Variants in NEK7 observed in about 807,000 individuals in gnomAD.
NEK7 encodes the protein NIMA related kinase 7.
Under a neutral mutation model 44.6 loss-of-function variants are expected in NEK7, and 18 were observed. The ratio of observed to expected loss-of-function variants is 0.40; its 90% CI spans 0.28 to 0.60. The LOEUF (loss-of-function observed/expected upper bound fraction) is 0.60, where lower values mean the gene tolerates loss of function less well. Ranked by LOEUF, NEK7 falls within the 20% of genes least tolerant of loss-of-function variation. NEK7 has a pLI of 0.38. For synonymous variants in NEK7, 130 were observed against 121.1 expected (o/e 1.07, Z -0.48); for missense variants, 256 against 366.5 (o/e 0.70, Z 2.46).
intron 1 of NEK7, among the ~76,000 whole-genome samples, chr1:198,204,353 G>A (rs1175370155): frequency 6.6e-6 from 1 of 152,046 alleles, no homozygotes; most frequent in East Asian, 1.9e-4. Context: ...ACCTAAAATG[G>A]CATATATTGA....
chr1:198,213,125 A>G (rs1665824017), intron 1 of NEK7, among the ~76,000 whole-genome samples: 1 of 152,222 alleles, frequency 6.6e-6, no homozygotes. Flanking sequence ...GATATTCCAC[A>G]GCACCAATCT....
At position 198,253,021 on chromosome 1, in the gene NEK7, C is replaced by T. The variant is rs993735772; in HGVS notation, c.58-19C>T. On this transcript the variant is annotated intron_variant, in intron 2 of 9. Coordinates refer to ENST00000367385, the MANE Select transcript of NEK7 (RefSeq NM_133494.3). ...GTATATTGTGTGATTGAAAATTTTTCTGACATTTTTAATTACAGAAGGCCT... is the reference window on the plus strand; with the variant it reads ...GTATATTGTGTGATTGAAAATTTTTTTGACATTTTTAATTACAGAAGGCCT... 8.2e-6 allele frequency: 13 copies of T among 1,592,402 alleles called. No homozygotes were observed. Among genetic ancestry groups the T allele is most frequent in the South Asian group, 3.4e-5 (3 of 87,974 alleles).
intron 2 of NEK7, among the ~76,000 whole-genome samples, chr1:198,249,804 TG>T (rs1449624747): frequency 8.2e-6 from 1 of 122,104 alleles, no homozygotes; most frequent in Non-Finnish European, 1.6e-5. Flanking sequence ...GTCAGATGAG[TG>T]GGTTGCGAAA....
intron 9 of NEK7, among the ~76,000 whole-genome samples, chr1:198,319,030 G>T (rs910545702): frequency 2.0e-5 from 3 of 152,042 alleles, no homozygotes; most frequent in Non-Finnish European, 2.9e-5. Flanking sequence ...AATTAAGTCT[G>T]TTGTAGTAGA....
chr1:198,217,729 TTAAG>T (rs1164249658), intron 1 of NEK7, among the ~76,000 whole-genome samples: 2 of 151,298 alleles, frequency 1.3e-5, no homozygotes, highest in African/African-American at 4.8e-5. Context: ...AATAAATGAA[TTAAG>T]TATCAGGTTA....
At position 198,228,150 on chromosome 1, in the gene NEK7, G is replaced by A. The variant is rs186786421; in HGVS notation, c.-28-4403G>A. Among the ~76,000 whole-genome samples the A allele has an allele frequency of 1.5e-3, 223 of 152,250 alleles. 1 individual carries two copies. The highest frequency in any genetic ancestry group is 2.4e-3 in the Non-Finnish European group (161 of 68,026). ...AATTGTTTCCCCATTTCTTGTTTTT[G>A]TCAGGTTTTCAAAGATCAGATGGTT... On this transcript the variant is annotated intron_variant, in intron 1 of 9. Coordinates refer to ENST00000367385, the MANE Select transcript of NEK7 (RefSeq NM_133494.3).
At chr1:198,310,029 A>G (rs1229949231) in intron 9 of NEK7, among the ~76,000 whole-genome samples, 2 of 151,710 alleles carry the variant, frequency 1.3e-5, no homozygotes, top group African/African-American at 4.8e-5. Flanking sequence ...ACTGACTTCC[A>G]CAATGGTTGA....
Position 198,292,793 on chromosome 1 carries a change from A to T in NEK7, c.590-152A>T, listed in dbSNP as rs1487178109. ...AGGGTCAAGGAATAAAGAAGAAATTAAAAAGTTTTTAGTATTCTCAAAAAC... is the reference window on the plus strand; with the variant it reads ...AGGGTCAAGGAATAAAGAAGAAATTTAAAAGTTTTTAGTATTCTCAAAAAC... On this transcript the variant is annotated intron_variant, in intron 7 of 9. Coordinates refer to ENST00000367385, the MANE Select transcript of NEK7 (RefSeq NM_133494.3). 3 of 630,096 alleles carry T rather than the reference A, an allele frequency of 4.8e-6. No homozygotes were observed. In the South Asian group the frequency reaches 5.6e-5, roughly 12 times the overall value. The allele number at this position is 630,096 out of a possible 1,614,324, so 39.0% of individuals were successfully genotyped here. A position where few individuals can be genotyped will look rare whatever the true frequency, so the allele number is the denominator to read the frequency against.
chr1:198,169,558 C>T (rs1204120181), intron 1 of NEK7, among the ~76,000 whole-genome samples: 1 of 151,364 alleles, frequency 6.6e-6, no homozygotes, highest in African/African-American at 2.4e-5. Context: ...GTATATTCCC[C>T]TACATTTTAG....
At chr1:198,229,318 ATC>A (rs1174746096) in intron 1 of NEK7, among the ~76,000 whole-genome samples, 5 of 152,160 alleles carry the variant, frequency 3.3e-5, no homozygotes, top group Admixed American at 1.3e-4. Flanking sequence ...TGCCCCATGC[ATC>A]TCTCTATCCT....
chr1:198,275,034 G>A (rs1217686723), intron 5 of NEK7, among the ~76,000 whole-genome samples: 1 of 151,562 alleles, frequency 6.6e-6, no homozygotes, highest in Non-Finnish European at 1.5e-5. Flanking sequence ...ATAATCTGAT[G>A]TTTGTATATA....
At position 198,277,985 on chromosome 1, in the gene NEK7, A is replaced by C; in HGVS notation, c.397A>C (p.Ile133Leu). 6.2e-7 allele frequency: 1 copy of C among 1,605,198 alleles called. No homozygotes were observed. Among genetic ancestry groups the C allele is most frequent in the Non-Finnish European group, 8.5e-7 (1 of 1,173,510 alleles). ...GCATTTTAAGAAGCAAAAGAGGCTA[A>C]TTCCTGAAAGAACTGTTTGGAAGTA... Reference protein sequence around the residue: ...IKHFKKQKRLIPERTVWKYFV... With the variant: ...IKHFKKQKRLLPERTVWKYFV... The change falls in exon 6 of 10, where the codon ATT (isoleucine) becomes CTT (leucine). Residue 133 changes from isoleucine to leucine, a missense_variant. Ile to Leu is a conservative substitution (Grantham distance 5). Around this residue, in one of 3 missense-constraint regions of NEK7, gnomAD observed 102 missense variants for 205.2 expected, o/e 0.50. Transcript: ENST00000367385.
chr1:198,276,572 G>A (rs1260367747), intron 5 of NEK7, among the ~76,000 whole-genome samples: 1 of 151,616 alleles, frequency 6.6e-6, no homozygotes, highest in African/African-American at 2.4e-5. Flanking sequence ...ACATGATATG[G>A]GAGGTTTCTA....
chr1:198,254,013 A>G (rs1227321801), intron 3 of NEK7, among the ~76,000 whole-genome samples: 2 of 151,854 alleles, frequency 1.3e-5, no homozygotes, highest in South Asian at 2.1e-4. Context: ...GCTACAGACT[A>G]TTTTGCTTTG....
intron 1 of NEK7, among the ~76,000 whole-genome samples, chr1:198,208,112 A>G (rs966298020): frequency 2.6e-5 from 4 of 152,080 alleles, no homozygotes; most frequent in South Asian, 4.1e-4. Context: ...ATTTCTTCCT[A>G]TATCTTTAGC....
chr1:198,171,315 C>G (rs1664432785), intron 1 of NEK7, among the ~76,000 whole-genome samples: 1 of 152,016 alleles, frequency 6.6e-6, no homozygotes, highest in Non-Finnish European at 1.5e-5. Context: ...CCAGTTCTAA[C>G]TAGGTTTTTT....
intron 2 of NEK7, chr1:198,245,471 C>G (rs1666811094): frequency 6.2e-6 from 1 of 161,628 alleles, no homozygotes; most frequent in Admixed American, 6.5e-5. Context: ...CTTAGAAGAG[C>G]TGACATGGAA....
chr1:198,305,654 C>G (rs1169782458), intron 9 of NEK7, among the ~76,000 whole-genome samples: 1 of 151,992 alleles, frequency 6.6e-6, no homozygotes, highest in Non-Finnish European at 1.5e-5. Flanking sequence ...TAAAATTATC[C>G]CTCTAGTCAT....
At chr1:198,171,444 G>A (rs778247384) in intron 1 of NEK7, among the ~76,000 whole-genome samples, 2 of 152,030 alleles carry the variant, frequency 1.3e-5, no homozygotes, top group African/African-American at 4.8e-5. Context: ...ACTTTGGGAG[G>A]CTGAGGTGGG....
Sources: allele counts gnomAD v4.1 joint callset (sites outside exome capture counted in the v4.1 genomes callset), GRCh38; gene constraint gnomAD v4.1.1; regional missense constraint gnomAD v4.1.1; transcripts MANE v1.5; gene names NCBI Gene and HGNC (gene_info 2026-07-23, HGNC 2026-07-21).